The following DIAPH2 variants were observed in gnomAD, a reference collection of about 807,000 sequenced individuals.
The protein encoded by DIAPH2 is diaphanous related formin 2, also known as protein diaphanous homolog 2.
Under a neutral mutation model 92.7 loss-of-function variants are expected in DIAPH2, and 35 were observed. The observed-to-expected ratio is 0.38, with a 90% CI of 0.29 to 0.50. The LOEUF is 0.50. Among genes scored for constraint, DIAPH2 ranks in the 20% least tolerant of loss-of-function variants. The pLI is 0.94. For synonymous variants in DIAPH2, 301 were observed against 280.4 expected, an observed-to-expected ratio of 1.07 and a Z score of -0.73; for missense variants, 701 against 819.5, an observed-to-expected ratio of 0.86 and a Z score of 1.77.
intron 26 of DIAPH2, among the ~76,000 whole-genome samples, chrX:97,473,133 G>T (rs1282094755): frequency 9.0e-6 from 1 of 111,070 alleles, no homozygotes; most frequent in Non-Finnish European, 1.9e-5. Context: ...TTTATTATGT[G>T]CAGCTTTATA....
At chrX:96,814,230 C>G (rs1037665278) in intron 4 of DIAPH2, among the ~76,000 whole-genome samples, 1 of 111,596 alleles carries the variant, frequency 9.0e-6, no homozygotes, top group African/African-American at 3.3e-5. Flanking sequence ...TTTCTTTTTA[C>G]TCTTTTTTCT....
chrX:97,364,616 C>G (rs1220389955), intron 24 of DIAPH2, among the ~76,000 whole-genome samples: 2 of 111,325 alleles, frequency 1.8e-5, no homozygotes, highest in Non-Finnish European at 3.8e-5. Flanking sequence ...ATAGTAGGTA[C>G]AAAAGAAATG....
At chrX:97,164,028 T>G (rs1165059466) in intron 22 of DIAPH2, among the ~76,000 whole-genome samples, 1 of 112,380 alleles carries the variant, frequency 8.9e-6, no homozygotes, top group Non-Finnish European at 1.9e-5. Context: ...ATGTATGCAT[T>G]AATTGATTCA....
At chrX:97,535,229 A>G (rs1259855953) in intron 26 of DIAPH2, among the ~76,000 whole-genome samples, 3 of 112,323 alleles carry the variant, frequency 2.7e-5, no homozygotes, top group Non-Finnish European at 5.6e-5. Context: ...AATGTAGCAC[A>G]CTAGTATAAG....
intron 25 of DIAPH2, among the ~76,000 whole-genome samples, chrX:97,406,113 T>G (rs1458828257): frequency 8.9e-6 from 1 of 112,269 alleles, no homozygotes; most frequent in Non-Finnish European, 1.9e-5. Context: ...GGTTAATTTA[T>G]CAGTCTTTAT....
At chrX:97,223,152 G>A (rs940830762) in intron 22 of DIAPH2, among the ~76,000 whole-genome samples, 1 of 111,484 alleles carries the variant, frequency 9.0e-6, no homozygotes, top group Non-Finnish European at 1.9e-5. Context: ...AGTACAAAAG[G>A]ATCTCTTGTC....
chrX:97,470,204 C>T (rs761703707), intron 26 of DIAPH2, among the ~76,000 whole-genome samples: 2 of 111,167 alleles, frequency 1.8e-5, no homozygotes, highest in East Asian at 2.8e-4. Context: ...ATATATAGTG[C>T]GTGCATGCAC....
At chrX:96,955,319 C>T (rs766687173) in intron 15 of DIAPH2, among the ~76,000 whole-genome samples, 7 of 111,748 alleles carry the variant, frequency 6.3e-5, no homozygotes, top group Non-Finnish European at 1.3e-4. Flanking sequence ...ATTCATTATT[C>T]ATTATTCAAT....
chrX:96,737,380 A>G (rs934347852), intron 2 of DIAPH2, among the ~76,000 whole-genome samples: 26 of 112,199 alleles, frequency 2.3e-4, no homozygotes, highest in Non-Finnish European at 4.1e-4. Context: ...AGGAGTTCAC[A>G]TAATTTTACA....
chrX:96,998,118 C>T (rs2066117161), intron 17 of DIAPH2, among the ~76,000 whole-genome samples: 2 of 111,947 alleles, frequency 1.8e-5, no homozygotes, highest in Non-Finnish European at 3.8e-5. Context: ...ACATCCTTAG[C>T]TTCTATATCC....
At chrX:97,332,475 A>G (rs2069010336) in intron 23 of DIAPH2, among the ~76,000 whole-genome samples, 1 of 112,184 alleles carries the variant, frequency 8.9e-6, no homozygotes, top group Admixed American at 9.5e-5. Context: ...AGCAAAGATA[A>G]ACAAGAAGTG....
intron 4 of DIAPH2, among the ~76,000 whole-genome samples, chrX:96,836,777 G>A (rs1363447501): frequency 1.3e-5 from 1 of 79,031 alleles, no homozygotes; most frequent in Non-Finnish European, 2.3e-5. Flanking sequence ...GCCCAGGCTG[G>A]AGTGCAGTGG....
chrX:96,875,492 A>G (rs2065172486), intron 4 of DIAPH2, among the ~76,000 whole-genome samples: 1 of 111,983 alleles, frequency 8.9e-6, no homozygotes, highest in Admixed American at 9.5e-5. Flanking sequence ...AAAATGGCAC[A>G]TATAATCTGA....
chrX:96,947,620 C>T (rs1262347115), intron 14 of DIAPH2, among the ~76,000 whole-genome samples: 1 of 111,447 alleles, frequency 9.0e-6, no homozygotes, highest in Non-Finnish European at 1.9e-5. Context: ...TTTGCTCACC[C>T]ACTCTTCAGA....
chrX:97,106,800 C>T (rs985936587), intron 20 of DIAPH2, among the ~76,000 whole-genome samples: 16 of 111,325 alleles, frequency 1.4e-4, no homozygotes, highest in African/African-American at 4.6e-4. Context: ...GGCATGGTGG[C>T]GGGTGCCTGT....
chrX:97,568,551 T>C (rs1392171471), intron 26 of DIAPH2, among the ~76,000 whole-genome samples: 1 of 111,703 alleles, frequency 9.0e-6, no homozygotes, highest in African/African-American at 3.3e-5. Flanking sequence ...TAAATATTGA[T>C]ATTGGAAATG....
chrX:96,896,499 T>C (rs891689638), intron 5 of DIAPH2, among the ~76,000 whole-genome samples: 2 of 112,079 alleles, frequency 1.8e-5, no homozygotes, highest in African/African-American at 6.5e-5. Context: ...GAGTAACTTA[T>C]TTTATTTCAC....
intron 4 of DIAPH2, among the ~76,000 whole-genome samples, chrX:96,807,241 T>C (rs1370953290): frequency 8.9e-6 from 1 of 112,103 alleles, no homozygotes; most frequent in East Asian, 2.8e-4. Context: ...TAGTTAACTA[T>C]CATAGGTCTG....
chrX:97,432,891 G>A (rs1022681749), intron 26 of DIAPH2, among the ~76,000 whole-genome samples: 1 of 112,377 alleles, frequency 8.9e-6, no homozygotes, highest in Non-Finnish European at 1.9e-5. Context: ...CCAAATTGCT[G>A]GGAGTAGAGG....
Sources: gnomAD v4.1 joint callset for allele counts (sites outside exome capture counted in the v4.1 genomes callset) on GRCh38, gnomAD v4.1.1 for gene constraint, MANE v1.5 for transcripts, NCBI Gene and HGNC (gene_info 2026-07-23, HGNC 2026-07-21) for gene names.